ARHGAP10: variants seen among roughly 807,000 people sequenced by gnomAD.
The protein encoded by ARHGAP10 is Rho GTPase activating protein 10.
ARHGAP10 carries 87 observed loss-of-function variants against 108.6 expected under a neutral mutation model. That is an observed-to-expected ratio of 0.80 (90% CI 0.67 to 0.96). The LOEUF is 0.96. Ranked by LOEUF, ARHGAP10 falls within the 40% of genes least tolerant of loss-of-function variation. The pLI is 0.00. For missense variants in ARHGAP10, 939 were observed against 954.5 expected (o/e 0.98, Z 0.21); for synonymous variants, 347 against 341.1 (o/e 1.02, Z -0.19).
chr4:148,065,029 C>T (rs533992826), intron 22 of ARHGAP10, among the ~76,000 whole-genome samples: 129 of 152,284 alleles, frequency 8.5e-4, no homozygotes, highest in African/African-American at 2.0e-3. Context: ...CATATTGAAA[C>T]AAGGGTGTAG....
At chr4:148,060,701 C>A (rs955578617) in intron 20 of ARHGAP10, among the ~76,000 whole-genome samples, 3 of 152,146 alleles carry the variant, frequency 2.0e-5, no homozygotes, top group Admixed American at 2.0e-4. Flanking sequence ...AGTGTGTCTG[C>A]CCTTGTGGGG....
Position 148,023,398 on chromosome 4 carries a change from C to G in ARHGAP10, c.1852C>G (p.Leu618Val). The G allele has an allele frequency of 6.2e-7, 1 of 1,613,508 alleles. No individual in the cohort carries two copies. The highest frequency in any genetic ancestry group is 8.5e-7 in the Non-Finnish European group (1 of 1,179,596). Residue 618 changes from leucine to valine, a missense_variant, in exon 19 of 23, where the codon CTG becomes GTG. By Grantham distance (32) the Leu-to-Val change is conservative. Coordinates refer to ENST00000336498, the MANE Select transcript of ARHGAP10 (RefSeq NM_024605.4). The stretch of plus-strand genomic sequence containing the variant: ...GCCCGTGGCCGTCTACAATCTTTGT[C>G]TGGAGCTGGAAGATGGTAAGATGTT... The part of the protein sequence containing the change: ...KRPVAVYNLC[L>V]ELEDGDNPYP...
intron 3 of ARHGAP10, among the ~76,000 whole-genome samples, chr4:147,829,211 C>T (rs764926313): frequency 1.1e-4 from 16 of 152,076 alleles, no homozygotes; most frequent in East Asian, 1.9e-4. Flanking sequence ...CCACTATGTC[C>T]GGCTAATTTT....
chr4:147,781,293 A>G (rs1441673302), intron 1 of ARHGAP10, among the ~76,000 whole-genome samples: 2 of 152,100 alleles, frequency 1.3e-5, no homozygotes, highest in African/African-American at 4.8e-5. Flanking sequence ...GCAGTGAGCT[A>G]AGATTGTGCC....
At position 148,037,690 on chromosome 4, in the gene ARHGAP10, C is replaced by T. The variant is rs1728440578; in HGVS notation, c.1868-9202C>T. Among the ~76,000 whole-genome samples the T allele has an allele frequency of 2.0e-5, 3 of 152,106 alleles. No homozygotes were observed. In the South Asian group the frequency reaches 6.2e-4, roughly 32 times the overall value. ...TCTCTATTGAAAATACAAAAATTAG[C>T]TGGGTGTGGTGGCGTGTGCCTGTAA... On this transcript the variant is annotated intron_variant, in intron 19 of 22. Coordinates refer to ENST00000336498, the MANE Select transcript of ARHGAP10 (RefSeq NM_024605.4).
chr4:147,843,325 C>T (rs1460239879), intron 3 of ARHGAP10, among the ~76,000 whole-genome samples: 1 of 152,178 alleles, frequency 6.6e-6, no homozygotes, highest in Non-Finnish European at 1.5e-5. Flanking sequence ...GGCATGTTCT[C>T]TTTCAGCAGT....
chr4:148,072,027 G>A lies in ARHGAP10; in HGVS notation c.2307G>A (p.Gly769=). ...QTSREPGWLE[G]TLNGKRGLIP... is the part of the protein sequence containing the mutation. The stretch of plus-strand genomic sequence containing the variant: ...CCAGGGAACCTGGCTGGCTAGAAGG[G>A]ACTCTGAACGGCAAGAGGGGGCTGA... Residue 769 remains glycine (G), a synonymous_variant, in exon 23 of 23, where the codon GGG becomes GGA. Coordinates refer to ENST00000336498, the MANE Select transcript of ARHGAP10 (RefSeq NM_024605.4). 1 of 1,613,720 alleles carries A rather than the reference G, an allele frequency of 6.2e-7. No individual in the cohort carries two copies. The highest frequency in any genetic ancestry group is 8.5e-7 in the Non-Finnish European group (1 of 1,179,844).
chr4:147,920,404 G>A (rs1578690365), intron 13 of ARHGAP10, among the ~76,000 whole-genome samples: 1 of 147,186 alleles, frequency 6.8e-6, no homozygotes, highest in Non-Finnish European at 1.5e-5. Context: ...ACAAGAGTGA[G>A]ACTCTGGAAA....
rs1286826835 is a variant in ARHGAP10 at position 147,766,583 on chromosome 4, CACAT to C, written c.154+34134_154+34137del. ...GTGTGTGGGTGTGTGTGTATATATA[CACAT>C]ACATATATGTATGTGTGTATATGTG... On this transcript the variant is annotated intron_variant, in intron 1 of 22. Transcript: ENST00000336498. 1.4e-5 allele frequency among the ~76,000 whole-genome samples: 2 copies of C among 141,884 alleles called. 1 individual carries two copies. Among genetic ancestry groups the C allele is most frequent in the South Asian group, 5.2e-4 (2 of 3,824 alleles). The allele number at this position is 141,884 out of a possible 152,430, so 93.1% of individuals were successfully genotyped here. A position where few individuals can be genotyped will look rare whatever the true frequency, so the allele number is the denominator to read the frequency against.
chr4:148,007,267 T>A (rs1405498563), intron 18 of ARHGAP10, among the ~76,000 whole-genome samples: 1 of 152,000 alleles, frequency 6.6e-6, no homozygotes, highest in African/African-American at 2.4e-5. Flanking sequence ...AACATTAAGA[T>A]GAGATGAGAT....
intron 1 of ARHGAP10, among the ~76,000 whole-genome samples, chr4:147,760,034 G>T (rs943231782): frequency 1.3e-5 from 2 of 152,198 alleles, no homozygotes; most frequent in African/African-American, 4.8e-5. Flanking sequence ...ATAGGCATGA[G>T]ACACTGGGCC....
At chr4:147,870,805 A>C (rs1734784469) in intron 7 of ARHGAP10, among the ~76,000 whole-genome samples, 1 of 152,238 alleles carries the variant, frequency 6.6e-6, no homozygotes, top group Admixed American at 6.5e-5. Flanking sequence ...TACAGTGTGC[A>C]AAATTTTAGG....
intron 18 of ARHGAP10, among the ~76,000 whole-genome samples, chr4:147,973,444 T>C (rs1487507991): frequency 6.6e-6 from 1 of 152,154 alleles, no homozygotes; most frequent in Non-Finnish European, 1.5e-5. Flanking sequence ...GTACATGAGA[T>C]ATTTTGATAG....
At chr4:147,949,524 C>T (rs908083177) in intron 15 of ARHGAP10, among the ~76,000 whole-genome samples, 1 of 152,184 alleles carries the variant, frequency 6.6e-6, no homozygotes, top group Non-Finnish European at 1.5e-5. Context: ...CTGGTGGCAT[C>T]TGACATCCTG....
At chr4:147,875,700 AG>A (rs1735029940) in intron 8 of ARHGAP10, among the ~76,000 whole-genome samples, 1 of 152,226 alleles carries the variant, frequency 6.6e-6, no homozygotes, top group South Asian at 2.1e-4. Context: ...TAAAATCATC[AG>A]GAAGATTGCA....
intron 1 of ARHGAP10, among the ~76,000 whole-genome samples, chr4:147,790,209 C>T (rs980961354): frequency 2.6e-5 from 4 of 151,794 alleles, no homozygotes; most frequent in Non-Finnish European, 5.9e-5. Context: ...ACTTGGGACA[C>T]GGGAAGAGAG....
chr4:148,043,301 A>G (rs1399487882), intron 19 of ARHGAP10, among the ~76,000 whole-genome samples: 3 of 151,854 alleles, frequency 2.0e-5, no homozygotes, highest in African/African-American at 7.3e-5. Context: ...CTTTGGTACC[A>G]TTTTTGTTCA....
At chr4:147,777,803 A>G (rs554655379) in intron 1 of ARHGAP10, among the ~76,000 whole-genome samples, 3 of 152,276 alleles carry the variant, frequency 2.0e-5, no homozygotes, top group South Asian at 2.1e-4. Context: ...TCTTTGAATA[A>G]TATACATGAA....
intron 19 of ARHGAP10, among the ~76,000 whole-genome samples, chr4:148,031,693 C>G (rs2149670089): frequency 6.6e-6 from 1 of 152,188 alleles, no homozygotes; most frequent in South Asian, 2.1e-4. Context: ...ATTTAAAAAA[C>G]AAATGTTTAG....
Sources: gnomAD v4.1 joint callset for allele counts (sites outside exome capture counted in the v4.1 genomes callset) on GRCh38, gnomAD v4.1.1 for gene constraint, MANE v1.5 for transcripts, NCBI Gene and HGNC (gene_info 2026-07-23, HGNC 2026-07-21) for gene names.